PTPRF: variants seen among roughly 807,000 people sequenced by gnomAD.
PTPRF encodes the protein receptor-type tyrosine-protein phosphatase F.
PTPRF carries 59 observed loss-of-function variants against 201.8 expected under a neutral mutation model. That is an observed-to-expected ratio of 0.29 (90% CI 0.24 to 0.36). The LOEUF is 0.36. PTPRF is among the 10% of genes least tolerant of loss of function. The probability of loss-of-function intolerance (pLI) is 1.00; values close to 1 mark genes in which losing one functional copy is unlikely to be tolerated. For synonymous variants in PTPRF, 1,088 were observed against 1,089.7 expected, an observed-to-expected ratio of 1.00 and a Z score of 0.03; for missense variants, 2,132 against 2,690.5, an observed-to-expected ratio of 0.79 and a Z score of 4.59.
At chr1:43,530,438 G>A (rs2153944472), upstream of PTPRF, among the ~76,000 whole-genome samples, 1 of 152,180 alleles carries the variant, frequency 6.6e-6, no homozygotes, top group South Asian at 2.1e-4. The surrounding 1 kb of genome is among the most constrained non-coding windows in gnomAD (Gnocchi z 4.1). Context: ...GAGATTTAGA[G>A]TCAGAATTGG....
At chr1:43,563,437 G>A (rs1645947970) in intron 5 of PTPRF, among the ~76,000 whole-genome samples, 1 of 152,158 alleles carries the variant, frequency 6.6e-6, no homozygotes, top group South Asian at 2.1e-4. Context: ...GGCACTCCGG[G>A]GGACATCTGA....
At chr1:43,566,375 G>A (rs1425331433) in intron 5 of PTPRF, among the ~76,000 whole-genome samples, 1 of 152,232 alleles carries the variant, frequency 6.6e-6, no homozygotes, top group Non-Finnish European at 1.5e-5. Flanking sequence ...CTGGAACCTA[G>A]TAAATGCTTC....
Position 43,620,226 on chromosome 1 carries a change from G to A in PTPRF, c.5238+5G>A. 1 of 1,613,760 alleles carries A rather than the reference G, an allele frequency of 6.2e-7. No homozygotes were observed. On this transcript the variant is annotated splice_donor_5th_base_variant and intron_variant, in intron 30 of 33. Coordinates refer to ENST00000359947, the MANE Select transcript of PTPRF (RefSeq NM_002840.5). ...AAGCTTCGGGAGATGGGCAGGGTGA[G>A]CCCACCCTTTCCCCCAGGGCCCCTG... is the stretch of plus-strand genomic sequence containing the variant.
Position 43,561,268 on chromosome 1 carries a change from A to G in PTPRF, c.379+7327A>G, listed in dbSNP as rs938980382. ...AGCTGGTGAGGGAGCTTACATTTGC[A>G]AGATGGGTACATGTGTGTTTTCTCA... On this transcript the variant is annotated intron_variant, in intron 5 of 33. Transcript: ENST00000359947. Among the ~76,000 whole-genome samples, 9 of 152,218 alleles carry G rather than the reference A, an allele frequency of 5.9e-5. No homozygotes were observed. In the East Asian group the frequency reaches 1.5e-3, roughly 26 times the overall value.
At chr1:43,601,920 A>T in intron 13 of PTPRF, 151 bp from the exon 14 acceptor site, 1 of 777,742 alleles carries the variant, frequency 1.3e-6, no homozygotes, top group Non-Finnish European at 2.2e-6. Flanking sequence ...TTGAACCGGG[A>T]GTTGTTCTGG....
At chr1:43,621,503 G>A (rs1238023043) in intron 33 of PTPRF, among the ~76,000 whole-genome samples, 1 of 149,406 alleles carries the variant, frequency 6.7e-6, no homozygotes, top group Non-Finnish European at 1.5e-5. Flanking sequence ...GCAAGACCCT[G>A]TTGCTGAAAA....
In PTPRF at chr1:43,620,539, C is replaced by A; in HGVS notation, c.5324C>A (p.Pro1775His). 6.2e-7 allele frequency: 1 copy of A among 1,614,096 alleles called. No homozygotes were observed. The highest frequency in any genetic ancestry group is 8.5e-7 in the Non-Finnish European group (1 of 1,179,972). The change falls in exon 31 of 34, where the codon CCC (proline) becomes CAC (histidine). Residue 1775 changes from proline (P) to histidine (H), a missense_variant. Pro to His is a moderately conservative substitution (Grantham distance 77). Coordinates refer to ENST00000359947, the MANE Select transcript of PTPRF (RefSeq NM_002840.5). ...GACCCGATGGCTGAGTACAACATGC[C>A]CCAGTATATCCTGCGTGAGTTCAAG... ...VVDPMAEYNMPQYILREFKVT... is the reference protein window; with the variant it reads ...VVDPMAEYNMHQYILREFKVT...
At chr1:43,569,228 C>A (rs889631294) in intron 5 of PTPRF, among the ~76,000 whole-genome samples, 42 of 142,220 alleles carry the variant, frequency 3.0e-4, no homozygotes, top group African/African-American at 1.0e-3. Flanking sequence ...AGCCCCCCCC[C>A]CCACCCCCTG....
intron 7 of PTPRF, among the ~76,000 whole-genome samples, chr1:43,581,585 G>A (rs1172804546): frequency 6.6e-6 from 1 of 152,232 alleles, no homozygotes; most frequent in African/African-American, 2.4e-5. Flanking sequence ...GTCATCTCAT[G>A]GTTGGCAAAA....
chr1:43,604,519 C>T (rs1654566169), intron 16 of PTPRF, among the ~76,000 whole-genome samples: 1 of 152,102 alleles, frequency 6.6e-6, no homozygotes, highest in African/African-American at 2.4e-5. Flanking sequence ...GGGGCCATGA[C>T]CCACCGACCT....
At chr1:43,572,830 C>G (rs1196284509) in intron 6 of PTPRF, among the ~76,000 whole-genome samples, 1 of 152,108 alleles carries the variant, frequency 6.6e-6, no homozygotes, top group Admixed American at 6.5e-5. Flanking sequence ...CACATCGAGA[C>G]TCGGCCTAGG....
In PTPRF at chr1:43,591,263, C is replaced by G; in HGVS notation, c.1241C>G (p.Ser414Cys). The G allele has an allele frequency of 6.4e-7, 1 of 1,571,480 alleles. No individual in the cohort carries two copies. Residue 414 changes from serine to cysteine, a missense_variant, in exon 9 of 34, where the codon TCC (serine) becomes TGC (cysteine). Physicochemically the swap from Ser to Cys is moderately radical, Grantham distance 112. Coordinates refer to ENST00000359947, the MANE Select transcript of PTPRF (RefSeq NM_002840.5). ...GCACGCACGGGAGAACAGGCGCCCT[C>G]CAGCCCACCGCGCCGCGTGCAGGCA... ...VRARTGEQAP[S>C]SPPRRVQARM...
rs1280917056 is a variant in PTPRF at position 43,554,853 on chromosome 1, C to CTTTTTTTTTTTTT, written c.379+915_379+916insTTTTTTTTTTTTT. On this transcript the variant is annotated intron_variant, in intron 5 of 33. Transcript: ENST00000359947. This position sits in a 1 kb window ranked among gnomAD's most constrained non-coding sequence, Gnocchi z 4.1. ...TTGCTTTTTTTTCTTTTCTTTCTTTCTTTCTTTTTTTTTTTTTGAGATGCA... is the reference window on the plus strand; with the variant it reads ...TTGCTTTTTTTTCTTTTCTTTCTTTCTTTTTTTTTTTTTTTTCTTTTTTTTTTTTTGAGATGCA... 7.0e-6 allele frequency among the ~76,000 whole-genome samples: 1 copy of CTTTTTTTTTTTTT among 143,158 alleles called. No homozygotes were observed. The highest frequency in any genetic ancestry group is 2.8e-5 in the African/African-American group (1 of 35,618). 93.9% of individuals were successfully genotyped at this position (143,158 alleles called of 152,430 possible). A position where few individuals can be genotyped will look rare whatever the true frequency, so the allele number is the denominator to read the frequency against.
chr1:43,600,178 G>A (rs971703411), intron 13 of PTPRF, among the ~76,000 whole-genome samples: 1 of 152,204 alleles, frequency 6.6e-6, no homozygotes, highest in Non-Finnish European at 1.5e-5. Flanking sequence ...CCTGGGGCAG[G>A]TTGAGGGCTC....
intron 11 of PTPRF, among the ~76,000 whole-genome samples, chr1:43,596,080 C>T (rs1443169958): frequency 4.6e-5 from 7 of 151,966 alleles, no homozygotes; most frequent in Admixed American, 6.6e-5. Context: ...GATCAGGAGG[C>T]GAGGGACCTT....
intron 21 of PTPRF, among the ~76,000 whole-genome samples, chr1:43,607,848 C>T (rs955548712): frequency 6.6e-6 from 1 of 152,254 alleles, no homozygotes; most frequent in African/African-American, 2.4e-5. Flanking sequence ...TGCCTGGCCC[C>T]TACCCCTTCC....
intron 6 of PTPRF, among the ~76,000 whole-genome samples, chr1:43,570,286 C>T (rs1557736806): frequency 6.6e-6 from 1 of 152,230 alleles, no homozygotes; most frequent in Admixed American, 6.5e-5. Flanking sequence ...ATGTCTCCGT[C>T]GAGCCAGCTC....
At chr1:43,573,566 CCCACCCCACT>C (rs1338906956) in intron 6 of PTPRF, among the ~76,000 whole-genome samples, 1 of 152,212 alleles carries the variant, frequency 6.6e-6, no homozygotes, top group Non-Finnish European at 1.5e-5. Context: ...AGAGCCTGTC[CCCACCCCACT>C]CTGCTCTGCC....
chr1:43,620,712 C>A, intron 31 of PTPRF, 126 bp from the exon 32 acceptor site: 1 of 1,519,134 alleles, frequency 6.6e-7, no homozygotes, highest in Non-Finnish European at 9.0e-7. Context: ...GAGCACATCT[C>A]CCCCTGTGGC....
Sources: allele counts gnomAD v4.1 joint callset (sites outside exome capture counted in the v4.1 genomes callset), GRCh38; gene constraint gnomAD v4.1.1; non-coding constraint Gnocchi (gnomAD v3.1); transcripts MANE v1.5; gene names NCBI Gene and HGNC (gene_info 2026-07-23, HGNC 2026-07-21).